Variants in MDFIC2 observed in about 807,000 individuals in gnomAD.
MDFIC2 encodes myoD family inhibitor domain-containing protein 2.
chr3:70,213,224 C>G (rs1701367781), intron 2 of MDFIC2, among the ~76,000 whole-genome samples: 1 of 152,124 alleles, frequency 6.6e-6, no homozygotes, highest in African/African-American at 2.4e-5. Flanking sequence ...CCTTTCACCT[C>G]AGCCTCCTGA....
chr3:70,247,983 A>G (rs887748786), intron 2 of MDFIC2, among the ~76,000 whole-genome samples: 17 of 152,122 alleles, frequency 1.1e-4, no homozygotes, highest in African/African-American at 4.1e-4. Context: ...TGCTACAATG[A>G]TCAAAATAAA....
intron 2 of MDFIC2, among the ~76,000 whole-genome samples, chr3:70,245,286 T>G (rs1348815083): frequency 6.6e-6 from 1 of 152,106 alleles, no homozygotes; most frequent in Non-Finnish European, 1.5e-5. Flanking sequence ...TTTGGTGATA[T>G]AAAATTACTT....
chr3:70,304,829 C>A (rs147090896), intron 2 of MDFIC2, among the ~76,000 whole-genome samples: 1 of 152,162 alleles, frequency 6.6e-6, no homozygotes, highest in Non-Finnish European at 1.5e-5. Context: ...TATCCAGATT[C>A]CCAACTGACC....
At chr3:70,290,641 G>T (rs181612260) in intron 2 of MDFIC2, among the ~76,000 whole-genome samples, 1 of 152,172 alleles carries the variant, frequency 6.6e-6, no homozygotes, top group South Asian at 2.1e-4. Flanking sequence ...GGGCAATGGC[G>T]GGCGCCCCTC....
At chr3:70,251,855 C>T (rs1701772493) in intron 2 of MDFIC2, among the ~76,000 whole-genome samples, 1 of 152,110 alleles carries the variant, frequency 6.6e-6, no homozygotes, top group African/African-American at 2.4e-5. Flanking sequence ...CATAGATAAG[C>T]AAGAAAGAAA....
At chr3:70,226,545 C>G (rs1037941437) in intron 2 of MDFIC2, among the ~76,000 whole-genome samples, 11 of 151,922 alleles carry the variant, frequency 7.2e-5, no homozygotes, top group Admixed American at 6.6e-4. Flanking sequence ...CGAGACCAGC[C>G]TTGCCAACAT....
At chr3:70,200,885 A>AGCCTGTGG (rs1701230890) in intron 3 of MDFIC2, among the ~76,000 whole-genome samples, 1 of 149,142 alleles carries the variant, frequency 6.7e-6, no homozygotes, top group Non-Finnish European at 1.5e-5. Context: ...CTGAATCCAA[A>AGCCTGTGG]GCCTGTGGTC....
At chr3:70,228,973 G>A (rs756484001) in intron 2 of MDFIC2, among the ~76,000 whole-genome samples, 1 of 152,020 alleles carries the variant, frequency 6.6e-6, no homozygotes, top group East Asian at 1.9e-4. Context: ...GAAGAAACAC[G>A]GAGAATACCA....
chr3:70,299,796 C>G lies in MDFIC2; in HGVS notation c.88+12090G>C, dbSNP rs73836274. ...TGATTCTGTTATCTTTAGGTCCTCT[C>G]TACCTTCCTGAAGCCAACCTCACAT... On this transcript the variant is annotated intron_variant, in intron 2 of 3. Transcript: ENST00000567252. Among the ~76,000 whole-genome samples the G allele has an allele frequency of 1.2e-3, 180 of 152,210 alleles. 1 individual carries two copies. Among genetic ancestry groups the G allele is most frequent in the African/African-American group, 4.0e-3 (167 of 41,546 alleles).
At chr3:70,277,939 T>C (rs1702043383) in intron 2 of MDFIC2, among the ~76,000 whole-genome samples, 1 of 152,160 alleles carries the variant, frequency 6.6e-6, no homozygotes, top group African/African-American at 2.4e-5. Flanking sequence ...GCCCTCTCAA[T>C]GTTTTAAATT....
chr3:70,266,470 G>T (rs1348493220), intron 2 of MDFIC2, among the ~76,000 whole-genome samples: 1 of 151,854 alleles, frequency 6.6e-6, no homozygotes, highest in African/African-American at 2.4e-5. Flanking sequence ...ACCCAGGCTG[G>T]AGAGTAGTGG....
chr3:70,243,449 G>A (rs1701679374), intron 2 of MDFIC2, among the ~76,000 whole-genome samples: 1 of 152,120 alleles, frequency 6.6e-6, no homozygotes, highest in South Asian at 2.1e-4. Context: ...TTCTTTCAGA[G>A]TTGCTTAAAT....
intron 2 of MDFIC2, among the ~76,000 whole-genome samples, chr3:70,238,975 C>A (rs4425219): frequency 0.33 from 49,719 of 152,036 alleles, 10,569 homozygotes; most frequent in Non-Finnish European, 0.47. Flanking sequence ...CTTTCTAACT[C>A]CTAAAATATT....
intron 2 of MDFIC2, among the ~76,000 whole-genome samples, chr3:70,238,316 G>C (rs1452795548): frequency 2.6e-5 from 4 of 151,998 alleles, no homozygotes; most frequent in African/African-American, 9.7e-5. Context: ...TGTGTAAAAA[G>C]TCTATCTGAG....
chr3:70,270,652 C>A (rs1414444461), intron 2 of MDFIC2, among the ~76,000 whole-genome samples: 2 of 152,084 alleles, frequency 1.3e-5, no homozygotes, highest in Admixed American at 6.6e-5. Flanking sequence ...TGGGATGGAT[C>A]TTTAATATAT....
At chr3:70,281,092 C>G (rs138177075) in intron 2 of MDFIC2, among the ~76,000 whole-genome samples, 13 of 152,270 alleles carry the variant, frequency 8.5e-5, no homozygotes, top group African/African-American at 3.1e-4. Context: ...GCCTTTTCTC[C>G]TGTTAATCAG....
At chr3:70,300,455 G>T (rs147925770) in intron 2 of MDFIC2, among the ~76,000 whole-genome samples, 3 of 151,834 alleles carry the variant, frequency 2.0e-5, no homozygotes, top group Admixed American at 1.3e-4. Flanking sequence ...AGTTAGAAGG[G>T]CATAGAGACA....
intron 2 of MDFIC2, among the ~76,000 whole-genome samples, chr3:70,251,741 C>G (rs1185900595): frequency 6.6e-6 from 1 of 152,122 alleles, no homozygotes; most frequent in Admixed American, 6.5e-5. Context: ...AGTAGTTGCT[C>G]GTCTAAGGAA....
chr3:70,209,306 A>C (rs917349326), intron 2 of MDFIC2, among the ~76,000 whole-genome samples: 5 of 152,028 alleles, frequency 3.3e-5, no homozygotes, highest in Admixed American at 6.6e-5. Context: ...GACAATGAAA[A>C]ATGTTTGTAG....
Sources: gnomAD v4.1 joint callset for allele counts (sites outside exome capture counted in the v4.1 genomes callset) on GRCh38, gnomAD v4.1.1 for gene constraint, MANE v1.5 for transcripts, NCBI Gene and HGNC (gene_info 2026-07-23, HGNC 2026-07-21) for gene names.